The following GABRB3 variants were observed in gnomAD, a reference collection of about 807,000 sequenced individuals.
GABRB3 encodes the protein gamma-aminobutyric acid receptor subunit beta-3.
In GABRB3, 14 loss-of-function variants were observed where a neutral mutation model predicts 52.1. The ratio of observed to expected loss-of-function variants is 0.27; its 90% confidence interval spans 0.18 to 0.42. GABRB3 has a LOEUF of 0.42. Among genes scored for constraint, GABRB3 ranks in the 10% least tolerant of loss-of-function variants. The pLI, the probability that GABRB3 is intolerant of heterozygous loss-of-function variation, is 1.00. For synonymous variants in GABRB3, 260 were observed against 232.3 expected (o/e 1.12, Z -1.08); for missense variants, 307 against 609.1 (o/e 0.50, Z 5.22).
chr15:26,658,261 T>TA (rs1164660587), intron 3 of GABRB3, among the ~76,000 whole-genome samples: 2 of 151,862 alleles, frequency 1.3e-5, no homozygotes, highest in African/African-American at 2.4e-5. Context: ...AAACTATCTC[T>TA]AAAAAAAACC....
intron 3 of GABRB3, among the ~76,000 whole-genome samples, chr15:26,635,487 T>C (rs1354149327): frequency 6.6e-6 from 1 of 151,702 alleles, no homozygotes; most frequent in African/African-American, 2.4e-5. Context: ...TAAAATTACT[T>C]CTCTGAATCC....
intron 4 of GABRB3, among the ~76,000 whole-genome samples, chr15:26,617,336 C>G (rs1374399939): frequency 1.3e-5 from 2 of 152,094 alleles, no homozygotes; most frequent in African/African-American, 4.8e-5. Context: ...GGGGTTCATC[C>G]CTGGGATGCA....
intron 3 of GABRB3, among the ~76,000 whole-genome samples, chr15:26,733,687 CA>C (rs1889990593): frequency 6.6e-6 from 1 of 152,110 alleles, no homozygotes; most frequent in South Asian, 2.1e-4. Flanking sequence ...TGAAAAAGAA[CA>C]AAGCTTGAGC....
At chr15:26,683,374 G>T (rs61998711) in intron 3 of GABRB3, among the ~76,000 whole-genome samples, 22,645 of 152,144 alleles carry the variant, frequency 0.15, 1,933 homozygotes, top group Non-Finnish European at 0.2. Flanking sequence ...CCATCGCTGG[G>T]TTTCCTGGTA....
intron 3 of GABRB3, among the ~76,000 whole-genome samples, chr15:26,626,660 A>T (rs1227581169): frequency 6.6e-6 from 1 of 152,238 alleles, no homozygotes; most frequent in Non-Finnish European, 1.5e-5. Flanking sequence ...GTCAAAGTTT[A>T]ATCTGGAGTA....
At chr15:26,718,222 T>A (rs951478817) in intron 3 of GABRB3, among the ~76,000 whole-genome samples, 8 of 152,290 alleles carry the variant, frequency 5.3e-5, no homozygotes, top group Non-Finnish European at 8.8e-5. Flanking sequence ...TTATTTATTT[T>A]TTTGGGACGG....
At chr15:26,710,060 T>G (rs73370191) in intron 3 of GABRB3, among the ~76,000 whole-genome samples, 12,745 of 152,214 alleles carry the variant, frequency 0.084, 1,755 homozygotes, top group African/African-American at 0.29. Context: ...GTGTCTGGCT[T>G]ATTTCACTTA....
intron 3 of GABRB3, among the ~76,000 whole-genome samples, chr15:26,689,133 T>A (rs567203606): frequency 5.3e-4 from 81 of 152,254 alleles, no homozygotes; most frequent in Middle Eastern, 6.8e-3. Context: ...ATGGCCGGGG[T>A]TAGTCCCAGG....
At chr15:26,554,177 T>TAA (rs1889647882) in intron 8 of GABRB3, among the ~76,000 whole-genome samples, 1 of 8,672 alleles carries the variant, frequency 1.2e-4, no homozygotes, top group African/African-American at 2.7e-4. Flanking sequence ...ATATATAAAG[T>TAA]ATATATATAT....
intron 3 of GABRB3, among the ~76,000 whole-genome samples, chr15:26,726,693 G>A (rs1889781703): frequency 6.6e-6 from 1 of 152,170 alleles, no homozygotes; most frequent in South Asian, 2.1e-4. Context: ...ATCATACAAG[G>A]AGGGACACGA....
At chr15:26,706,145 C>G (rs1889092896) in intron 3 of GABRB3, among the ~76,000 whole-genome samples, 1 of 152,188 alleles carries the variant, frequency 6.6e-6, no homozygotes, top group Admixed American at 6.5e-5. Context: ...CTATCCCACT[C>G]CACTCAATGT....
chr15:26,560,125 C>A (rs1437884412), intron 8 of GABRB3, among the ~76,000 whole-genome samples: 1 of 152,164 alleles, frequency 6.6e-6, no homozygotes, highest in Non-Finnish European at 1.5e-5. Context: ...CTTTCCAGAC[C>A]CACAGGTTTT....
intron 4 of GABRB3, among the ~76,000 whole-genome samples, chr15:26,593,515 G>A (rs1468217114): frequency 6.6e-6 from 1 of 151,994 alleles, no homozygotes; most frequent in African/African-American, 2.4e-5. Context: ...CTGTCTCTAT[G>A]AATTGACCTA....
At chr15:26,612,712 A>G (rs534677202) in intron 4 of GABRB3, 1 of 152,348 alleles carries the variant, frequency 6.6e-6, no homozygotes, top group South Asian at 2.1e-4. Flanking sequence ...CATAATTTCA[A>G]CAAACAACAC....
At chr15:26,676,250 T>C (rs1012126101) in intron 3 of GABRB3, among the ~76,000 whole-genome samples, 2 of 152,178 alleles carry the variant, frequency 1.3e-5, no homozygotes, top group Non-Finnish European at 1.5e-5. Context: ...CTTGATTAAG[T>C]TACACAAAAT....
At chr15:26,773,657 G>A (rs1249184282), upstream of GABRB3, 5 of 1,567,924 alleles carry the variant, frequency 3.2e-6, 1 homozygote, top group South Asian at 1.2e-5. Context: ...GCGGGGCTCA[G>A]AGCCTCGGGT....
chr15:26,744,626 A>C (rs929206794), intron 3 of GABRB3, among the ~76,000 whole-genome samples: 1 of 152,056 alleles, frequency 6.6e-6, no homozygotes, highest in Non-Finnish European at 1.5e-5. Context: ...AGGTTTCACC[A>C]TGTTGGCCAG....
chr15:26,573,727 G>A (rs1407702814), intron 6 of GABRB3, among the ~76,000 whole-genome samples: 1 of 152,190 alleles, frequency 6.6e-6, no homozygotes, highest in Non-Finnish European at 1.5e-5. Context: ...TGCAAATCAT[G>A]TATCTGATAA....
At chr15:26,721,418 A>G (rs1224115093) in intron 3 of GABRB3, among the ~76,000 whole-genome samples, 5 of 151,996 alleles carry the variant, frequency 3.3e-5, no homozygotes, top group Non-Finnish European at 7.3e-5. Context: ...TGAAATCTGC[A>G]TAACAAGCCT....
Sources: allele counts gnomAD v4.1 joint callset (sites outside exome capture counted in the v4.1 genomes callset), GRCh38; gene constraint gnomAD v4.1.1; transcripts MANE v1.5; gene names NCBI Gene and HGNC (gene_info 2026-07-23, HGNC 2026-07-21).